RASGEF1A: variants seen among roughly 807,000 people sequenced by gnomAD.
RASGEF1A encodes ras-GEF domain-containing family member 1A.
In RASGEF1A, 18 loss-of-function variants were observed where a neutral mutation model predicts 56.4. That is an observed-to-expected ratio of 0.32 (90% CI 0.22 to 0.47). RASGEF1A has a LOEUF of 0.47. RASGEF1A is among the 20% of genes least tolerant of loss of function. The pLI, the probability that RASGEF1A is intolerant of heterozygous loss-of-function variation, is 1.00. For missense variants in RASGEF1A, 422 were observed against 627.1 expected, an observed-to-expected ratio of 0.67 and a Z score of 3.49; for synonymous variants, 245 against 242.6, an observed-to-expected ratio of 1.01 and a Z score of -0.09.
chr10:43,232,270 G>A (rs115277040), intron 1 of RASGEF1A, among the ~76,000 whole-genome samples: 403 of 152,296 alleles, frequency 2.6e-3, no homozygotes, highest in African/African-American at 8.8e-3. Flanking sequence ...GAGTGAGTGA[G>A]TTCTGGAGGG....
intron 1 of RASGEF1A, among the ~76,000 whole-genome samples, chr10:43,250,859 T>G (rs1286684577): frequency 2.0e-5 from 3 of 152,170 alleles, no homozygotes; most frequent in Non-Finnish European, 4.4e-5. Context: ...GTGGTGGTCC[T>G]GGGGAACAAG....
In RASGEF1A at chr10:43,266,420, G is replaced by A. The variant is rs1836624770; in HGVS notation, c.-7+425C>T. Among the ~76,000 whole-genome samples, 3 of 152,070 alleles carry A rather than the reference G, an allele frequency of 2.0e-5. No homozygotes were observed. The South Asian group carries it at 6.2e-4, about 31-fold the overall frequency. ...GGGCCCAGAATGCAGAAGAGCAAAT[G>A]GAAACTTCCAACTGCGCAGCCCTGA... On this transcript the variant is annotated intron_variant, in intron 1 of 12. Transcript: ENST00000395810.
intron 5 of RASGEF1A, 74 bp from the exon 6 acceptor site, chr10:43,200,330 A>G (rs1839873867): frequency 7.4e-7 from 1 of 1,350,468 alleles, no homozygotes; most frequent in Admixed American, 2.0e-5. Context: ...AGGCATGCGG[A>G]CAGGGAGAGG....
At chr10:43,227,466 G>A (rs935953026) in intron 1 of RASGEF1A, among the ~76,000 whole-genome samples, 3 of 152,172 alleles carry the variant, frequency 2.0e-5, no homozygotes, top group South Asian at 2.1e-4. Context: ...CCTGTGCCCC[G>A]CTGAGGGCTA....
chr10:43,264,512 G>T (rs1442880039), intron 1 of RASGEF1A, among the ~76,000 whole-genome samples: 1 of 151,758 alleles, frequency 6.6e-6, no homozygotes, highest in African/African-American at 2.4e-5. Context: ...TCCCCAGCAG[G>T]GAGTGGGCAG....
intron 1 of RASGEF1A, among the ~76,000 whole-genome samples, chr10:43,248,193 TA>T (rs1840587986): frequency 6.6e-6 from 1 of 151,152 alleles, no homozygotes; most frequent in African/African-American, 2.4e-5. Context: ...CCGTCTCTAC[TA>T]AAAATACAAA....
At chr10:43,234,626 T>C (rs891994392) in intron 1 of RASGEF1A, among the ~76,000 whole-genome samples, 4 of 152,162 alleles carry the variant, frequency 2.6e-5, no homozygotes, top group Admixed American at 6.5e-5. Flanking sequence ...AGAAAGGCCC[T>C]GGCCCCCCAC....
chr10:43,223,213 T>C (rs1197171119), intron 1 of RASGEF1A, among the ~76,000 whole-genome samples: 2 of 152,182 alleles, frequency 1.3e-5, no homozygotes, highest in African/African-American at 2.4e-5. Flanking sequence ...GAAAGGCACA[T>C]TCTACTGTCC....
intron 1 of RASGEF1A, among the ~76,000 whole-genome samples, chr10:43,229,116 A>G (rs1840323031): frequency 6.6e-6 from 1 of 152,214 alleles, no homozygotes. Flanking sequence ...CCTGGAGCGC[A>G]CACTCCTCGA....
In RASGEF1A at chr10:43,206,054, C is replaced by A; in HGVS notation, c.63G>T (p.Gln21His). Residue 21 changes from glutamine (Q) to histidine (H), a missense_variant, in exon 2 of 13, where the codon CAG (glutamine) becomes CAT (histidine). By Grantham distance (24) the Gln-to-His change is conservative. Transcript: ENST00000395810. ...ILGPSCSGQV[Q>H]PGMGERGGGA... Reference sequence around the variant, plus strand: ...CGCCTCCACGCTCCCCCATGCCAGGCTGCACCTGTCCGCTACAGCTGGGCC... The same window carrying A: ...CGCCTCCACGCTCCCCCATGCCAGGATGCACCTGTCCGCTACAGCTGGGCC... 1 of 1,608,646 alleles carries A rather than the reference C, an allele frequency of 6.2e-7. No homozygotes were observed. The highest frequency in any genetic ancestry group is 1.3e-5 in the African/African-American group (1 of 75,024).
intron 1 of RASGEF1A, among the ~76,000 whole-genome samples, chr10:43,264,183 G>C (rs778248086): frequency 9.2e-5 from 14 of 152,070 alleles, no homozygotes; most frequent in Non-Finnish European, 1.9e-4. Context: ...GGGAATTCCT[G>C]GTGTCCCAGC....
chr10:43,203,223 T>A, intron 3 of RASGEF1A, 75 bp downstream of exon 3: 9 of 1,095,566 alleles, frequency 8.2e-6, no homozygotes, highest in South Asian at 1.4e-5. Flanking sequence ...CCCCGCCCCA[T>A]GCCTCCAGCC....
intron 1 of RASGEF1A, among the ~76,000 whole-genome samples, chr10:43,224,131 A>C (rs950012764): frequency 1.3e-5 from 2 of 152,216 alleles, no homozygotes; most frequent in Non-Finnish European, 2.9e-5. Flanking sequence ...AAAATAAAAG[A>C]AAGCCCTGGC....
intron 1 of RASGEF1A, among the ~76,000 whole-genome samples, chr10:43,257,073 C>T (rs1243112209): frequency 4.6e-5 from 7 of 152,164 alleles, no homozygotes; most frequent in Non-Finnish European, 7.3e-5. Flanking sequence ...GGTTGTGATC[C>T]GACATCTCTC....
At chr10:43,256,343 TG>T (rs1461289845) in intron 1 of RASGEF1A, among the ~76,000 whole-genome samples, 1 of 152,174 alleles carries the variant, frequency 6.6e-6, no homozygotes, top group Non-Finnish European at 1.5e-5. Flanking sequence ...CGGCTGTGAC[TG>T]GCTGTGTCCT....
At chr10:43,214,887 G>T (rs184563471) in intron 1 of RASGEF1A, among the ~76,000 whole-genome samples, 1 of 152,132 alleles carries the variant, frequency 6.6e-6, no homozygotes, top group African/African-American at 2.4e-5. Context: ...AGACAGCCCG[G>T]AGAGGCCCGT....
Position 43,196,605 on chromosome 10 carries a change from C to G in RASGEF1A, c.1349-57G>C, listed in dbSNP as rs112471391. 5.1e-4 allele frequency: 763 copies of G among 1,503,426 alleles called. 6 individuals are homozygous for G. In the African/African-American group the frequency reaches 8.4e-3, roughly 17 times the overall value. The allele number at this position is 1,503,426 out of a possible 1,614,324, so 93.1% of individuals were successfully genotyped here. On this transcript the variant is annotated intron_variant, in intron 11 of 12. Transcript: ENST00000395810. This position sits in a 1 kb window ranked among gnomAD's most constrained non-coding sequence, Gnocchi z 4.6. ...GTCCCCATGCAGTGTCTGCCTGAAC[C>G]CAGCTGTCCCTTCAGGAGTACAGCC...
intron 1 of RASGEF1A, among the ~76,000 whole-genome samples, chr10:43,222,398 T>A (rs950481916): frequency 6.6e-6 from 1 of 152,146 alleles, no homozygotes; most frequent in South Asian, 2.1e-4. Flanking sequence ...GTGGGGACTT[T>A]CACTCCCACC....
intron 1 of RASGEF1A, among the ~76,000 whole-genome samples, chr10:43,230,115 G>C (rs992787552): frequency 6.6e-6 from 1 of 152,142 alleles, no homozygotes; most frequent in Admixed American, 6.5e-5. Context: ...CGCGGGAAGG[G>C]GATGCCTCTT....
Sources: gnomAD v4.1 joint callset for allele counts (sites outside exome capture counted in the v4.1 genomes callset) on GRCh38, gnomAD v4.1.1 for gene constraint, Gnocchi (gnomAD v3.1) non-coding constraint, MANE v1.5 for transcripts, NCBI Gene and HGNC (gene_info 2026-07-23, HGNC 2026-07-21) for gene names.